Variants in ZSWIM2 observed in about 807,000 individuals in gnomAD.
The protein encoded by ZSWIM2 is E3 ubiquitin-protein ligase ZSWIM2.
ZSWIM2 carries 38 observed loss-of-function variants against 48.4 expected under a neutral mutation model. The observed-to-expected ratio is 0.79, with a 90% CI of 0.61 to 1.03. The LOEUF (loss-of-function observed/expected upper bound fraction) is 1.03, where lower values mean the gene tolerates loss of function less well. Among genes scored for constraint, ZSWIM2 ranks in the 50% least tolerant of loss-of-function variants. The pLI is 0.00. For synonymous variants in ZSWIM2, 240 were observed against 251.3 expected (o/e 0.96, Z 0.42); for missense variants, 776 against 730.2 (o/e 1.06, Z -0.72).
At chr2:186,838,170 GT>G (rs1290604579) in intron 4 of ZSWIM2, among the ~76,000 whole-genome samples, 1 of 151,196 alleles carries the variant, frequency 6.6e-6, no homozygotes, top group African/African-American at 2.4e-5. Context: ...CAACTTTATA[GT>G]GCTGTGAAGA....
rs116553416 is a variant in ZSWIM2 at position 186,842,928 on chromosome 2, A to G, written c.283+1789T>C. On this transcript the variant is annotated intron_variant, in intron 3 of 8. Coordinates refer to ENST00000295131, the MANE Select transcript of ZSWIM2 (RefSeq NM_182521.3). ...GTCTATATACAGATCAAATATTTCC[A>G]TTGAAAATATAGTGTCAGAGTTGAG... Among the ~76,000 whole-genome samples the G allele has an allele frequency of 4.7e-3, 717 of 151,680 alleles. 2 individuals are homozygous for G. The highest frequency in any genetic ancestry group is 0.016 in the African/African-American group (671 of 41,528).
chr2:186,836,653 T>G (rs1054792310), intron 5 of ZSWIM2, among the ~76,000 whole-genome samples: 2 of 152,122 alleles, frequency 1.3e-5, no homozygotes, highest in African/African-American at 4.8e-5. Context: ...CTTCTTAATG[T>G]ACTGTTAACT....
In ZSWIM2 at chr2:186,837,397, C is replaced by T; in HGVS notation, c.652G>A (p.Val218Ile). 6.2e-7 allele frequency: 1 copy of T among 1,612,998 alleles called. No homozygotes were observed. The highest frequency in any genetic ancestry group is 8.5e-7 in the Non-Finnish European group (1 of 1,179,324). Residue 218 changes from valine to isoleucine, a missense_variant, in exon 5 of 9, where the codon GTA becomes ATA. Physicochemically the swap from Val to Ile is conservative, Grantham distance 29. Transcript: ENST00000295131. ...AGTCTCTCTTTTTCTGCTGCAGCTA[C>T]TAGTTTGCTAGAGTTTTTGAATTCC... is the stretch of plus-strand genomic sequence containing the variant. The part of the protein sequence containing the change: ...LEEFKNSSKL[V>I]AAAEKERLDK...
intron 3 of ZSWIM2, 25 bp downstream of exon 3, chr2:186,844,691 CA>C (rs1559116335): frequency 3.3e-6 from 5 of 1,530,288 alleles, no homozygotes; most frequent in East Asian, 4.8e-5. Context: ...AAAAAAAACA[CA>C]AAAAACCCAA....
At chr2:186,847,105 T>G (rs1246028901) in intron 2 of ZSWIM2, among the ~76,000 whole-genome samples, 1 of 151,926 alleles carries the variant, frequency 6.6e-6, no homozygotes, top group Non-Finnish European at 1.5e-5. Flanking sequence ...TAGTACACTA[T>G]AAGTCCAGAC....
rs139317820 is a variant in ZSWIM2 at position 186,834,060 on chromosome 2, GA to G, written c.744-31del. ...AAATACAAAACATCAAAACACGCAA[GA>G]AAAAAAAATCCAATTATTGTGATGG... On this transcript the variant is annotated intron_variant, in intron 5 of 8. Transcript: ENST00000295131. 4.3e-3 allele frequency: 6,396 copies of G among 1,487,334 alleles called. 220 individuals are homozygous for G. In the African/African-American group the frequency reaches 0.078, roughly 18 times the overall value. 92.1% of individuals were successfully genotyped at this position (1,487,334 alleles called of 1,614,324 possible).
chr2:186,844,705 C>T lies in ZSWIM2; in HGVS notation c.283+12G>A, dbSNP rs529849445. On this transcript the variant is annotated intron_variant, in intron 3 of 8. Transcript: ENST00000295131. Reference sequence around the variant, plus strand: ...AAAAAAAAACACAAAAAACCCAAACCCCAAAACTTACATTCATGGTTCCTT... The same window carrying T: ...AAAAAAAAACACAAAAAACCCAAACTCCAAAACTTACATTCATGGTTCCTT... 1.3e-6 allele frequency: 2 copies of T among 1,548,310 alleles called. No individual in the cohort carries two copies. Among genetic ancestry groups the T allele is most frequent in the Non-Finnish European group, 1.7e-6 (2 of 1,154,786 alleles).
intron 3 of ZSWIM2, 121 bp downstream of exon 3, chr2:186,844,596 G>T: frequency 1.0e-6 from 1 of 969,298 alleles, no homozygotes; most frequent in Non-Finnish European, 1.5e-6. Flanking sequence ...TGATAGTTAC[G>T]ATTCCCTAGA....
At chr2:186,831,203 T>C (rs1000729022) in intron 7 of ZSWIM2, among the ~76,000 whole-genome samples, 1 of 152,078 alleles carries the variant, frequency 6.6e-6, no homozygotes, top group African/African-American at 2.4e-5. Context: ...ATGATGCTTG[T>C]GCAGGGAAAA....
rs765877067 is a variant in ZSWIM2, at chr2:186,849,153, C to G, written c.-23G>C. The G allele has an allele frequency of 2.3e-5, 36 of 1,591,532 alleles. No homozygotes were observed. Among genetic ancestry groups the G allele is most frequent in the Admixed American group, 2.0e-4 (12 of 58,894 alleles). ...CATGCTGGGTGCGGGCGGAGGCGGC[C>G]CCTCTGCTCGGCTCACTGAGGCGCC... On this transcript the variant is annotated 5_prime_UTR_variant, in exon 1 of 9. Transcript: ENST00000295131.
chr2:186,835,393 T>G (rs994830749), intron 5 of ZSWIM2, among the ~76,000 whole-genome samples: 1 of 152,134 alleles, frequency 6.6e-6, no homozygotes, highest in African/African-American at 2.4e-5. Context: ...TTATCAAATA[T>G]TTAGAAGATT....
At chr2:186,844,238 C>G (rs921928622) in intron 3 of ZSWIM2, among the ~76,000 whole-genome samples, 1 of 151,564 alleles carries the variant, frequency 6.6e-6, no homozygotes, top group African/African-American at 2.4e-5. Flanking sequence ...TGACTCCAAA[C>G]TCAATTTAAG....
chr2:186,831,101 C>T (rs1276562738), intron 7 of ZSWIM2, among the ~76,000 whole-genome samples: 1 of 152,128 alleles, frequency 6.6e-6, no homozygotes, highest in Non-Finnish European at 1.5e-5. Flanking sequence ...TGTCCTTCTT[C>T]TCCTAATGTT....
intron 2 of ZSWIM2, among the ~76,000 whole-genome samples, chr2:186,846,023 A>G (rs1300837298): frequency 1.3e-5 from 2 of 151,944 alleles, no homozygotes; most frequent in Non-Finnish European, 2.9e-5. Flanking sequence ...ACCTTAAACT[A>G]CAAAAACTCT....
Position 186,829,877 on chromosome 2 carries a change from T to G in ZSWIM2, c.945A>C (p.Gln315His), listed in dbSNP as rs1691668085. 1 of 1,613,510 alleles carries G rather than the reference T, an allele frequency of 6.2e-7. No homozygotes were observed. The highest frequency in any genetic ancestry group is 8.5e-7 in the Non-Finnish European group (1 of 1,179,682). ...TTACAATGTGTTTTGGTGTGTAAAC[T>G]TGGCTGAATGAGAATAAGCAGAGAC... is the stretch of plus-strand genomic sequence containing the variant. ...KMSHFQEKQG[Q>H]VYTPKHIVRS... The change falls in exon 8 of 9, where the codon CAA becomes CAC. Residue 315 changes from glutamine to histidine, a missense_variant. By Grantham distance (24) the Gln-to-His change is conservative. Coordinates refer to ENST00000295131, the MANE Select transcript of ZSWIM2 (RefSeq NM_182521.3).
chr2:186,833,780 G>T (rs1691745128), intron 6 of ZSWIM2, among the ~76,000 whole-genome samples, 166 bp downstream of exon 6: 1 of 152,072 alleles, frequency 6.6e-6, no homozygotes, highest in Non-Finnish European at 1.5e-5. Flanking sequence ...GTTGCTTTGT[G>T]CATCCTTATG....
intron 3 of ZSWIM2, among the ~76,000 whole-genome samples, chr2:186,841,360 A>G (rs371683006): frequency 9.1e-6 from 1 of 109,724 alleles, no homozygotes; most frequent in East Asian, 2.6e-4. Context: ...ATATCTTTGT[A>G]TGCTTAAGTA....
rs1692049921 is a variant in ZSWIM2, at chr2:186,848,856, G to C, written c.165+110C>G. The C allele has an allele frequency of 2.1e-6, 3 of 1,413,692 alleles. No individual in the cohort carries two copies. The African/African-American group carries it at 4.2e-5, about 20-fold the overall frequency. The allele number at this position is 1,413,692 out of a possible 1,614,324, so 87.6% of individuals were successfully genotyped here. A position where few individuals can be genotyped will look rare whatever the true frequency, so the allele number is the denominator to read the frequency against. ...GGAAGGCGCTTTCGGGGGTGAGGCA[G>C]CAAGTATCCGCAGAGATTGTGATGG... On this transcript the variant is annotated intron_variant, in intron 1 of 8. Transcript: ENST00000295131.
rs1574135262 is a variant in ZSWIM2, at chr2:186,827,622, G to T, written c.*362C>A. Among the ~76,000 whole-genome samples the T allele has an allele frequency of 6.6e-6, 1 of 151,878 alleles. No homozygotes were observed. Among genetic ancestry groups the T allele is most frequent in the Non-Finnish European group, 1.5e-5 (1 of 67,940 alleles). Reference sequence around the variant, plus strand: ...GCAAAAAATACAGAAGTACCGGGGAGTAATCCCTGCATGTTATGTGCTACC... The same window carrying T: ...GCAAAAAATACAGAAGTACCGGGGATTAATCCCTGCATGTTATGTGCTACC... On this transcript the variant is annotated 3_prime_UTR_variant, in exon 9 of 9. Transcript: ENST00000295131.
Sources: allele counts gnomAD v4.1 joint callset (sites outside exome capture counted in the v4.1 genomes callset), GRCh38; gene constraint gnomAD v4.1.1; transcripts MANE v1.5; gene names NCBI Gene and HGNC (gene_info 2026-07-23, HGNC 2026-07-21).